Variants in TULP4 observed in about 807,000 individuals in gnomAD.
The protein encoded by TULP4 is tubby-related protein 4.
TULP4 carries 16 observed loss-of-function variants against 129.0 expected under a neutral mutation model. The ratio of observed to expected loss-of-function variants is 0.12; its 90% confidence interval spans 0.08 to 0.19. TULP4 has a LOEUF of 0.19. Ranked by LOEUF, TULP4 falls within the 10% of genes least tolerant of loss-of-function variation. TULP4 has a pLI of 1.00. For synonymous variants in TULP4, 998 were observed against 854.0 expected, an observed-to-expected ratio of 1.17 and a Z score of -2.94; for missense variants, 1,842 against 2,059.1, an observed-to-expected ratio of 0.89 and a Z score of 2.04.
intron 1 of TULP4, among the ~76,000 whole-genome samples, chr6:158,288,373 G>T (rs1778865401): frequency 6.6e-6 from 1 of 151,854 alleles, no homozygotes; most frequent in African/African-American, 2.4e-5. Flanking sequence ...GGGATTTCTA[G>T]CACAGCATGA....
intron 1 of TULP4, chr6:158,237,783 C>T (rs1406165138): frequency 2.6e-6 from 2 of 781,708 alleles, no homozygotes; most frequent in Non-Finnish European, 4.7e-6. Flanking sequence ...TTTCAAGAGC[C>T]TCAACATCTA....
chr6:158,336,695 C>G (rs1259236922), intron 1 of TULP4, among the ~76,000 whole-genome samples: 1 of 152,090 alleles, frequency 6.6e-6, no homozygotes, highest in Non-Finnish European at 1.5e-5. Flanking sequence ...TTTTAAATGC[C>G]TTCTAAAAAT....
At chr6:158,438,391 A>ATGTAG (rs1778797553) in intron 3 of TULP4, among the ~76,000 whole-genome samples, 1 of 152,178 alleles carries the variant, frequency 6.6e-6, no homozygotes, top group South Asian at 2.1e-4. Context: ...GGATTGAAGC[A>ATGTAG]TGTAGTTTGG....
chr6:158,257,192 GC>G (rs1425541726), intron 1 of TULP4, among the ~76,000 whole-genome samples: 1 of 151,878 alleles, frequency 6.6e-6, no homozygotes, highest in Non-Finnish European at 1.5e-5. Context: ...GACAACCCCT[GC>G]CCCCTCTCCC....
intron 5 of TULP4, among the ~76,000 whole-genome samples, chr6:158,455,482 A>C (rs1779270969): frequency 6.6e-6 from 1 of 151,584 alleles, no homozygotes; most frequent in Non-Finnish European, 1.5e-5. Context: ...CACGCCTGTA[A>C]TCCCAGCACT....
At chr6:158,443,999 C>T (rs1778961290) in intron 3 of TULP4, among the ~76,000 whole-genome samples, 1 of 151,874 alleles carries the variant, frequency 6.6e-6, no homozygotes, top group South Asian at 2.1e-4. Context: ...GTGGGCGGAT[C>T]ACAAGGTCAG....
rs180986848 is a variant in TULP4, at chr6:158,426,218, T to A, written c.382-3518T>A. Among the ~76,000 whole-genome samples the A allele has an allele frequency of 3.5e-3, 538 of 152,316 alleles. 4 individuals carry two copies. Among genetic ancestry groups the A allele is most frequent in the Non-Finnish European group, 3.4e-3 (230 of 68,024 alleles). On this transcript the variant is annotated intron_variant, in intron 2 of 13. Coordinates refer to ENST00000367097, the MANE Select transcript of TULP4 (RefSeq NM_020245.5). ...AGTTTCTTTTGCTGTTCTGAAGCTC[T>A]TTAGTTCAACTAGATCTTGTTTATC... is the stretch of plus-strand genomic sequence containing the variant.
At chr6:158,355,457 A>G (rs1780623402) in intron 1 of TULP4, among the ~76,000 whole-genome samples, 1 of 152,178 alleles carries the variant, frequency 6.6e-6, no homozygotes, top group Non-Finnish European at 1.5e-5. Flanking sequence ...CAGGTAGTAG[A>G]CAAGGAAGCT....
intron 3 of TULP4, among the ~76,000 whole-genome samples, chr6:158,444,471 C>T (rs1329128571): frequency 1.3e-5 from 2 of 151,936 alleles, no homozygotes; most frequent in Non-Finnish European, 2.9e-5. Context: ...AAGTCACCTC[C>T]TTCAGGAACT....
Position 158,503,001 on chromosome 6 carries a change from C to T in TULP4, c.3338C>T (p.Ala1113Val). The T allele has an allele frequency of 1.2e-6, 2 of 1,614,090 alleles. No homozygotes were observed. The highest frequency in any genetic ancestry group is 1.7e-6 in the Non-Finnish European group (2 of 1,180,004). ...PLRHPPLPEAAVTLKRPPPYQ... is the reference protein window; with the variant it reads ...PLRHPPLPEAVVTLKRPPPYQ... ...AGGCACCCTCCCCTGCCTGAAGCTGCTGTCACCCTGAAACGGCCACCCCCT... is the reference window on the plus strand; with the variant it reads ...AGGCACCCTCCCCTGCCTGAAGCTGTTGTCACCCTGAAACGGCCACCCCCT... The change falls in exon 13 of 14, where the codon GCT becomes GTT. Residue 1113 changes from alanine to valine, a missense_variant. Physicochemically the swap from Ala to Val is moderately conservative, Grantham distance 64. This residue lies in a region of TULP4 where 1,089 missense variants were observed against 987.1 expected (regional missense o/e 1.10). Transcript: ENST00000367097. This position sits in a 1 kb window ranked among gnomAD's most constrained non-coding sequence, Gnocchi z 4.3.
rs747287567 is a variant in TULP4 at position 158,413,148 on chromosome 6, C to T, written c.336C>T (p.Tyr112=). The T allele has an allele frequency of 4.0e-5, 64 of 1,613,550 alleles. No homozygotes were observed. Among genetic ancestry groups the T allele is most frequent in the Middle Eastern group, 1.6e-4 (1 of 6,084 alleles). Reference sequence around the variant, plus strand: ...GAGGCATATTCGTGTGGATTCAGTACGAGGGCAGGTGGTCTGTGGAGCTGG... The same window carrying T: ...GAGGCATATTCGTGTGGATTCAGTATGAGGGCAGGTGGTCTGTGGAGCTGG... ...ADGGIFVWIQ[Y]EGRWSVELVN... Residue 112 remains tyrosine, a synonymous_variant, in exon 2 of 14, where the codon TAC becomes TAT. Coordinates refer to ENST00000367097, the MANE Select transcript of TULP4 (RefSeq NM_020245.5). This position sits in a 1 kb window ranked among gnomAD's most constrained non-coding sequence, Gnocchi z 4.9.
chr6:158,332,370 C>T (rs189231789), intron 1 of TULP4, among the ~76,000 whole-genome samples: 22 of 151,806 alleles, frequency 1.4e-4, no homozygotes, highest in African/African-American at 4.4e-4. Context: ...GCACATAGCA[C>T]GGAAGTTTGT....
At chr6:158,343,367 A>G (rs1184587948) in intron 1 of TULP4, among the ~76,000 whole-genome samples, 1 of 152,140 alleles carries the variant, frequency 6.6e-6, no homozygotes, top group Non-Finnish European at 1.5e-5. Context: ...AGCCAAATGC[A>G]ACGGAAGGTA....
At chr6:158,382,210 C>T (rs912959272) in intron 1 of TULP4, among the ~76,000 whole-genome samples, 9 of 151,968 alleles carry the variant, frequency 5.9e-5, no homozygotes, top group Admixed American at 3.9e-4. Flanking sequence ...TCTGACTGAC[C>T]GACTGCTCTG....
At chr6:158,335,924 T>A (rs1001196795) in intron 1 of TULP4, among the ~76,000 whole-genome samples, 2 of 152,246 alleles carry the variant, frequency 1.3e-5, no homozygotes, top group Non-Finnish European at 2.9e-5. Context: ...TTTGTGTGTA[T>A]GTTGGACGTG....
Position 158,502,200 on chromosome 6 carries a change from C to T in TULP4, c.2537C>T (p.Thr846Ile), listed in dbSNP as rs1224041966. The part of the protein sequence containing the change: ...PYPGTIPAAP[T>I]TAAPPPPLPP... ...CCAGGAACCATCCCCGCTGCCCCCA[C>T]CACAGCAGCACCCCCGCCCCCTCTG... The change falls in exon 13 of 14, where the codon ACC becomes ATC. Residue 846 changes from threonine to isoleucine, a missense_variant. Physicochemically the swap from Thr to Ile is moderately conservative, Grantham distance 89 (BLOSUM62 -1). This residue lies in a region of TULP4 where 1,089 missense variants were observed against 987.1 expected (regional missense o/e 1.10). Transcript: ENST00000367097. 2.0e-6 allele frequency: 3 copies of T among 1,520,252 alleles called. No individual in the cohort carries two copies. The highest frequency in any genetic ancestry group is 2.4e-5 in the East Asian group (1 of 42,026). 94.2% of individuals were successfully genotyped at this position (1,520,252 alleles called of 1,614,324 possible). A position where few individuals can be genotyped will look rare whatever the true frequency, so the allele number is the denominator to read the frequency against.
chr6:158,419,678 G>A (rs1201550321), intron 2 of TULP4, among the ~76,000 whole-genome samples: 3 of 152,176 alleles, frequency 2.0e-5, no homozygotes, highest in Non-Finnish European at 4.4e-5. Flanking sequence ...AGCTGATGTA[G>A]CTGTATGTTA....
At position 158,502,643 on chromosome 6, in the gene TULP4, G is replaced by T. The variant is rs759692002; in HGVS notation, c.2980G>T (p.Ala994Ser). 1.3e-6 allele frequency: 2 copies of T among 1,582,972 alleles called. No individual in the cohort carries two copies. Among genetic ancestry groups the T allele is most frequent in the Non-Finnish European group, 1.7e-6 (2 of 1,169,140 alleles). Reference sequence around the variant, plus strand: ...TACCCTGCGGAGGAACAACCGTGAGGCTACGCTCAAGATGGCCCAGCTGGC... The same window carrying T: ...TACCCTGCGGAGGAACAACCGTGAGTCTACGCTCAAGATGGCCCAGCTGGC... Reference protein sequence around the residue: ...HATLRRNNREATLKMAQLADS... With the variant: ...HATLRRNNRESTLKMAQLADS... Residue 994 changes from alanine to serine, a missense_variant, in exon 13 of 14, where the codon GCT becomes TCT. Physicochemically the swap from Ala to Ser is moderately conservative, Grantham distance 99. Coordinates refer to ENST00000367097, the MANE Select transcript of TULP4 (RefSeq NM_020245.5).
chr6:158,395,860 T>C (rs574482719), intron 1 of TULP4, among the ~76,000 whole-genome samples: 3 of 152,172 alleles, frequency 2.0e-5, no homozygotes, highest in Non-Finnish European at 4.4e-5. Context: ...CTGTCATTTT[T>C]CAAAGATGTA....
Sources: allele counts gnomAD v4.1 joint callset (sites outside exome capture counted in the v4.1 genomes callset), GRCh38; gene constraint gnomAD v4.1.1; regional missense constraint gnomAD v4.1.1; non-coding constraint Gnocchi (gnomAD v3.1); transcripts MANE v1.5; gene names NCBI Gene and HGNC (gene_info 2026-07-23, HGNC 2026-07-21).